C8orf34: variants seen among roughly 807,000 people sequenced by gnomAD.
C8orf34 encodes uncharacterized protein C8orf34.
A neutral mutation model predicts 68.3 loss-of-function variants in C8orf34; 65 were observed. The ratio of observed to expected loss-of-function variants is 0.95; its 90% CI spans 0.78 to 1.17. The LOEUF (loss-of-function observed/expected upper bound fraction) is 1.17, where lower values mean the gene tolerates loss of function less well. C8orf34 is among the 50% of genes most tolerant of loss of function. The pLI is 0.00. For missense variants in C8orf34, 664 were observed against 655.4 expected, an observed-to-expected ratio of 1.01 and a Z score of -0.14; for synonymous variants, 244 against 241.2, an observed-to-expected ratio of 1.01 and a Z score of -0.11.
At chr8:68,749,037 C>T (rs1290356098) in intron 10 of C8orf34, among the ~76,000 whole-genome samples, 2 of 152,056 alleles carry the variant, frequency 1.3e-5, no homozygotes, top group South Asian at 2.1e-4. Flanking sequence ...CACATATACA[C>T]CATGGAATAC....
intron 10 of C8orf34, among the ~76,000 whole-genome samples, chr8:68,729,406 A>C (rs1821919891): frequency 6.6e-6 from 1 of 152,202 alleles, no homozygotes; most frequent in Admixed American, 6.5e-5. Flanking sequence ...CAATCTGCTG[A>C]AGTCATATGA....
intron 12 of C8orf34, among the ~76,000 whole-genome samples, chr8:68,793,981 G>A (rs1210213295): frequency 6.6e-6 from 1 of 152,040 alleles, no homozygotes; most frequent in African/African-American, 2.4e-5. Flanking sequence ...ATAAATAAAT[G>A]GTGATGTGAA....
chr8:68,584,549 A>G (rs1310362388), intron 7 of C8orf34, among the ~76,000 whole-genome samples: 1 of 152,138 alleles, frequency 6.6e-6, no homozygotes, highest in Non-Finnish European at 1.5e-5. Flanking sequence ...TTAGGCCCCA[A>G]ATGCACATAA....
intron 12 of C8orf34, among the ~76,000 whole-genome samples, chr8:68,810,182 C>G (rs1013858808): frequency 1.4e-4 from 21 of 152,170 alleles, no homozygotes; most frequent in African/African-American, 5.1e-4. Context: ...AGATCCCATG[C>G]CTGCCAAGGG....
intron 10 of C8orf34, among the ~76,000 whole-genome samples, chr8:68,773,051 A>G (rs971837724): frequency 6.6e-6 from 1 of 152,086 alleles, no homozygotes; most frequent in African/African-American, 2.4e-5. Flanking sequence ...CCAAAATACT[A>G]TGTTGCTAGA....
At position 68,534,926 on chromosome 8, in the gene C8orf34, T is replaced by C. The variant is rs79495458; in HGVS notation, c.1105+1777T>C. On this transcript the variant is annotated intron_variant, in intron 7 of 13. Transcript: ENST00000518698. ...AACTAGTCCTCATTAATTCTTTTTT[T>C]AGACATTTTAGCCTGTGGTCTGAGC... 4.8e-4 allele frequency: 474 copies of C among 985,436 alleles called. 4 individuals carry two copies. The African/African-American group carries it at 7.6e-3, about 16-fold the overall frequency. The allele number at this position is 985,436 out of a possible 1,614,324, so 61.0% of individuals were successfully genotyped here.
chr8:68,508,294 A>G (rs1026418650), intron 5 of C8orf34, among the ~76,000 whole-genome samples: 74 of 152,182 alleles, frequency 4.9e-4, no homozygotes, highest in African/African-American at 1.7e-3. Flanking sequence ...CCAAGTTATC[A>G]TAGATGACCA....
At chr8:68,719,392 A>T (rs1194097072) in intron 9 of C8orf34, among the ~76,000 whole-genome samples, 1 of 152,056 alleles carries the variant, frequency 6.6e-6, no homozygotes, top group Admixed American at 6.6e-5. Flanking sequence ...ACAAAAATGA[A>T]ACCAAACAAA....
Position 68,331,037 on chromosome 8 carries a change from T to C in C8orf34, c.25T>C (p.Leu9=). 1 of 1,466,128 alleles carries C rather than the reference T, an allele frequency of 6.8e-7. No individual in the cohort carries two copies. Among genetic ancestry groups the C allele is most frequent in the Non-Finnish European group, 8.9e-7 (1 of 1,121,186 alleles). The allele number at this position is 1,466,128 out of a possible 1,614,324, so 90.8% of individuals were successfully genotyped here. A position where few individuals can be genotyped will look rare whatever the true frequency, so the allele number is the denominator to read the frequency against. ...AATGAGTTCTCCCCTCGCCTCGGAG[T>C]TGTCTGAGTTGGCGGCGCTGCGCCC... MSSPLASE[L]SELAALRPGF... The change falls in exon 1 of 14, where the codon TTG becomes CTG. Residue 9 remains leucine, a synonymous_variant. Coordinates refer to ENST00000518698, the MANE Select transcript of C8orf34 (RefSeq NM_052958.4).
chr8:68,702,112 A>C (rs1585751677), intron 8 of C8orf34, among the ~76,000 whole-genome samples: 1 of 151,986 alleles, frequency 6.6e-6, no homozygotes, highest in East Asian at 1.9e-4. Context: ...TTTGTTCATC[A>C]TCTCCAGTCG....
intron 7 of C8orf34, among the ~76,000 whole-genome samples, chr8:68,565,067 C>T (rs1816544673): frequency 6.6e-6 from 1 of 152,184 alleles, no homozygotes; most frequent in South Asian, 2.1e-4. Context: ...CAGGTAGAAA[C>T]AATTGCAGTG....
rs186309612 is a variant in C8orf34 at position 68,343,633 on chromosome 8, G to A, written c.327+12294G>A. On this transcript the variant is annotated intron_variant, in intron 1 of 13. Coordinates refer to ENST00000518698, the MANE Select transcript of C8orf34 (RefSeq NM_052958.4). ...TTTTAAGACAGAGTCTCGCTCTGCC[G>A]CCCAGGCTGGAGTGCAGTGGCACAA... 8.0e-3 allele frequency among the ~76,000 whole-genome samples: 1,168 copies of A among 146,220 alleles called. 19 individuals are homozygous for A. Among genetic ancestry groups the A allele is most frequent in the African/African-American group, 0.027 (1,048 of 39,008 alleles).
chr8:68,673,694 G>T (rs1344619845), intron 8 of C8orf34, among the ~76,000 whole-genome samples: 2 of 152,132 alleles, frequency 1.3e-5, no homozygotes, highest in African/African-American at 4.8e-5. Context: ...ATCCTCATGG[G>T]ACTGGCAGTA....
chr8:68,353,025 A>G (rs1806579819), intron 1 of C8orf34, among the ~76,000 whole-genome samples: 1 of 152,044 alleles, frequency 6.6e-6, no homozygotes, highest in African/African-American at 2.4e-5. Context: ...ATAACTGACA[A>G]CAATTCCTTA....
intron 3 of C8orf34, among the ~76,000 whole-genome samples, chr8:68,453,064 C>T (rs1170421673): frequency 6.6e-6 from 1 of 151,928 alleles, no homozygotes; most frequent in Non-Finnish European, 1.5e-5. Context: ...CATTGAAAAT[C>T]GATTAACCAT....
At chr8:68,795,008 T>C (rs1487000739) in intron 12 of C8orf34, among the ~76,000 whole-genome samples, 1 of 152,194 alleles carries the variant, frequency 6.6e-6, no homozygotes, top group Non-Finnish European at 1.5e-5. Flanking sequence ...ATTTGTTCTA[T>C]TTTTATTCTG....
chr8:68,654,800 C>T (rs1454202714), intron 8 of C8orf34, among the ~76,000 whole-genome samples: 1 of 152,060 alleles, frequency 6.6e-6, no homozygotes, highest in Non-Finnish European at 1.5e-5. Context: ...GAAGTTTTGC[C>T]TGAAAAATTC....
At chr8:68,525,330 AATTG>A (rs1438765821) in intron 6 of C8orf34, among the ~76,000 whole-genome samples, 1 of 152,256 alleles carries the variant, frequency 6.6e-6, no homozygotes, top group Non-Finnish European at 1.5e-5. Flanking sequence ...AAATAATTGT[AATTG>A]ATTAATATGT....
intron 12 of C8orf34, among the ~76,000 whole-genome samples, chr8:68,800,156 G>A (rs1298723233): frequency 6.6e-6 from 1 of 152,184 alleles, no homozygotes; most frequent in African/African-American, 2.4e-5. Flanking sequence ...CCTTTGCATA[G>A]GGAAGAACTC....
Sources: allele counts gnomAD v4.1 joint callset (sites outside exome capture counted in the v4.1 genomes callset), GRCh38; gene constraint gnomAD v4.1.1; transcripts MANE v1.5; gene names NCBI Gene and HGNC (gene_info 2026-07-23, HGNC 2026-07-21).